Variants in USP3 observed in about 807,000 individuals in gnomAD.
USP3 encodes ubiquitin carboxyl-terminal hydrolase 3.
USP3 carries 20 observed loss-of-function variants against 72.3 expected under a neutral mutation model. That is an observed-to-expected ratio of 0.28 (90% CI 0.19 to 0.40). The LOEUF (loss-of-function observed/expected upper bound fraction) is 0.40, where lower values mean the gene tolerates loss of function less well. Ranked by LOEUF, USP3 falls within the 10% of genes least tolerant of loss-of-function variation. USP3 has a pLI of 1.00. For missense variants in USP3, 479 were observed against 633.9 expected, an observed-to-expected ratio of 0.76 and a Z score of 2.62; for synonymous variants, 222 against 225.3, an observed-to-expected ratio of 0.99 and a Z score of 0.13.
chr15:63,534,436 T>C (rs1032836006), intron 2 of USP3, among the ~76,000 whole-genome samples: 5 of 143,552 alleles, frequency 3.5e-5, no homozygotes, highest in African/African-American at 1.2e-4. Context: ...TTTAAGTTAT[T>C]TTTCAAATTT....
Position 63,532,706 on chromosome 15 carries a change from A to C in USP3, c.151A>C (p.Arg51=). The C allele has an allele frequency of 6.2e-7, 1 of 1,613,976 alleles. No individual in the cohort carries two copies. Among genetic ancestry groups the C allele is most frequent in the Non-Finnish European group, 8.5e-7 (1 of 1,179,890 alleles). Residue 51 remains arginine, a splice_region_variant and synonymous_variant, in exon 2 of 15, where the codon AGG becomes CGG. Transcript: ENST00000380324. ...CLTCSSVHCG[R]YVNGHAKKHY... ...GACTTGTTCAAGTGTCCACTGTGGA[A>C]GGTAGGTGACATACTTATTACTTCA...
At chr15:63,561,509 G>T (rs2066607378) in intron 7 of USP3, among the ~76,000 whole-genome samples, 2 of 152,216 alleles carry the variant, frequency 1.3e-5, no homozygotes, top group South Asian at 4.1e-4. Context: ...CTGGAGATGG[G>T]TGCTGGCGGA....
chr15:63,578,893 T>C (rs1338317514), intron 11 of USP3, among the ~76,000 whole-genome samples: 1 of 152,122 alleles, frequency 6.6e-6, no homozygotes, highest in Non-Finnish European at 1.5e-5. Flanking sequence ...GGATAATCAG[T>C]TGGAAAATTA....
At chr15:63,519,354 C>T (rs2065889234) in intron 1 of USP3, among the ~76,000 whole-genome samples, 1 of 150,492 alleles carries the variant, frequency 6.6e-6, no homozygotes. Context: ...TCTATTCTAA[C>T]ATCATAATGT....
rs1455862257 is a variant in USP3, at chr15:63,581,340, GGTTTTTGTGT to G, written c.1096+6940_1096+6949del. 1.2e-4 allele frequency among the ~76,000 whole-genome samples: 15 copies of G among 124,242 alleles called. No individual in the cohort carries two copies. In the East Asian group the frequency reaches 3.1e-3, roughly 26 times the overall value. 81.5% of individuals were successfully genotyped at this position (124,242 alleles called of 152,430 possible). On this transcript the variant is annotated intron_variant, in intron 11 of 14. Coordinates refer to ENST00000380324, the MANE Select transcript of USP3 (RefSeq NM_006537.4). ...ATGTGTTTATATGTATGTTTGTGTT[GGTTTTTGTGT>G]GTGTGTGTGTGTGTGTGTGTGTGTG...
At chr15:63,566,749 TTG>T (rs1232047953) in intron 8 of USP3, among the ~76,000 whole-genome samples, 3 of 152,280 alleles carry the variant, frequency 2.0e-5, no homozygotes, top group Non-Finnish European at 2.9e-5. Context: ...GCTATTGTAT[TTG>T]TGTGTTTGTA....
intron 5 of USP3, 110 bp downstream of exon 5, chr15:63,556,858 T>A: frequency 1.2e-6 from 1 of 834,094 alleles, no homozygotes; most frequent in Admixed American, 2.8e-5. Context: ...TAAATGTGTG[T>A]CTTGGATTTG....
chr15:63,508,860 A>G (rs1013820434), intron 1 of USP3, among the ~76,000 whole-genome samples: 2 of 152,186 alleles, frequency 1.3e-5, no homozygotes, highest in African/African-American at 4.8e-5. Context: ...ATGAGTTGAG[A>G]GTGCCTCTTT....
At position 63,556,649 on chromosome 15, in the gene USP3, C is replaced by G; in HGVS notation, c.369-18C>G. 1.3e-6 allele frequency: 2 copies of G among 1,584,868 alleles called. No individual in the cohort carries two copies. Among genetic ancestry groups the G allele is most frequent in the Non-Finnish European group, 1.7e-6 (2 of 1,166,188 alleles). Reference sequence around the variant, plus strand: ...CATATATTAATAACTTTTTCACTATCTGTTTGTGTTTTAATAGCTCAGCTT... The same window carrying G: ...CATATATTAATAACTTTTTCACTATGTGTTTGTGTTTTAATAGCTCAGCTT... On this transcript the variant is annotated intron_variant, in intron 4 of 14. Coordinates refer to ENST00000380324, the MANE Select transcript of USP3 (RefSeq NM_006537.4).
chr15:63,577,366 C>T (rs1018371506), intron 11 of USP3, among the ~76,000 whole-genome samples: 1 of 152,224 alleles, frequency 6.6e-6, no homozygotes, highest in Non-Finnish European at 1.5e-5. Context: ...GTGGCTTATG[C>T]CTGTAGTCCC....
intron 11 of USP3, among the ~76,000 whole-genome samples, chr15:63,581,995 A>G (rs2066972247): frequency 6.6e-6 from 1 of 152,242 alleles, no homozygotes; most frequent in Non-Finnish European, 1.5e-5. Flanking sequence ...GTATGTTTTA[A>G]TAATGGTTTT....
chr15:63,518,642 C>T (rs1419435082), intron 1 of USP3, among the ~76,000 whole-genome samples: 1 of 152,100 alleles, frequency 6.6e-6, no homozygotes. Flanking sequence ...TTAGATTTGC[C>T]AGTCGTTCAC....
chr15:63,530,897 T>G (rs900154722), intron 1 of USP3, among the ~76,000 whole-genome samples: 2 of 152,024 alleles, frequency 1.3e-5, no homozygotes, highest in African/African-American at 4.8e-5. Flanking sequence ...CCTAACAGAG[T>G]TGTTTTAGCA....
intron 1 of USP3, among the ~76,000 whole-genome samples, chr15:63,523,458 T>G (rs910055484): frequency 1.3e-5 from 2 of 152,254 alleles, no homozygotes; most frequent in African/African-American, 4.8e-5. Flanking sequence ...ATATTTATTT[T>G]GAGTCTGCAG....
At chr15:63,587,013 C>T (rs111474254) in intron 11 of USP3, among the ~76,000 whole-genome samples, 71 of 152,260 alleles carry the variant, frequency 4.7e-4, no homozygotes, top group East Asian at 4.6e-3. Flanking sequence ...GCTACTGTCG[C>T]GGACACAAAG....
chr15:63,530,053 A>G (rs774720290), intron 1 of USP3, among the ~76,000 whole-genome samples: 41 of 152,076 alleles, frequency 2.7e-4, no homozygotes, highest in Non-Finnish European at 3.1e-4. Flanking sequence ...GGGAGGATCA[A>G]TTGAGCCTGG....
Position 63,556,721 on chromosome 15 carries a change from A to G in USP3, c.423A>G (p.Thr141=), listed in dbSNP as rs367928098. The G allele has an allele frequency of 1.2e-6, 2 of 1,606,548 alleles. No homozygotes were observed. Among genetic ancestry groups the G allele is most frequent in the African/African-American group, 2.7e-5 (2 of 74,612 alleles). The change falls in exon 5 of 15, where the codon ACA becomes ACG. Residue 141 remains threonine, a synonymous_variant. Coordinates refer to ENST00000380324, the MANE Select transcript of USP3 (RefSeq NM_006537.4). ...HKKRKLLENS[T]LNSKLLKVNG... is the part of the protein sequence containing the mutation. ...AAAGAAAACTTTTGGAAAACTCAACACTAAACAGCAAGTTATTAAAAGTAA... is the reference window on the plus strand; with the variant it reads ...AAAGAAAACTTTTGGAAAACTCAACGCTAAACAGCAAGTTATTAAAAGTAA...
Position 63,563,020 on chromosome 15 carries a change from A to C in USP3, c.761+12A>C. 1 of 1,560,874 alleles carries C rather than the reference A, an allele frequency of 6.4e-7. No individual in the cohort carries two copies. The highest frequency in any genetic ancestry group is 1.2e-5 in the South Asian group (1 of 84,966). On this transcript the variant is annotated intron_variant, in intron 8 of 14. Coordinates refer to ENST00000380324, the MANE Select transcript of USP3 (RefSeq NM_006537.4). ...ATGCCAAACTTTAGGTAAGTATTAT[A>C]TGAAGATATTTTTAAACATTAATAT...
intron 1 of USP3, among the ~76,000 whole-genome samples, chr15:63,512,385 TTTC>T (rs1392554364): frequency 1.3e-5 from 2 of 150,838 alleles, no homozygotes; most frequent in South Asian, 4.2e-4. Context: ...CTTCTTTCTT[TTTC>T]TTCTTTCTTC....
Sources: allele counts gnomAD v4.1 joint callset (sites outside exome capture counted in the v4.1 genomes callset), GRCh38; gene constraint gnomAD v4.1.1; transcripts MANE v1.5; gene names NCBI Gene and HGNC (gene_info 2026-07-23, HGNC 2026-07-21).